SSH1: variants seen among roughly 807,000 people sequenced by gnomAD.
SSH1 encodes the protein protein phosphatase Slingshot homolog 1.
Under a neutral mutation model 79.7 loss-of-function variants are expected in SSH1, and 43 were observed. That is an observed-to-expected ratio of 0.54 (90% CI 0.42 to 0.70). The LOEUF (loss-of-function observed/expected upper bound fraction) is 0.70, where lower values mean the gene tolerates loss of function less well. Ranked by LOEUF, SSH1 falls within the 30% of genes least tolerant of loss-of-function variation. SSH1 has a pLI of 0.00. For missense variants in SSH1, 1,206 were observed against 1,358.8 expected (o/e 0.89, Z 1.77); for synonymous variants, 599 against 538.3 (o/e 1.11, Z -1.56).
At position 108,795,971 on chromosome 12, in the gene SSH1, G is replaced by T. The variant is rs146956212; in HGVS notation, c.1349+3029C>A. Among the ~76,000 whole-genome samples, 3 of 152,108 alleles carry T rather than the reference G, an allele frequency of 2.0e-5. 1 individual carries two copies. Among genetic ancestry groups the T allele is most frequent in the African/African-American group, 7.2e-5 (3 of 41,516 alleles). ...TGCTCAGGCTGGAGTGCAGTGATGC[G>T]ATCATGGCTCACTGCGGTCTTGAAC... On this transcript the variant is annotated intron_variant, in intron 13 of 14. Coordinates refer to ENST00000326495, the MANE Select transcript of SSH1 (RefSeq NM_018984.4).
At position 108,788,904 on chromosome 12, in the gene SSH1, C is replaced by A. The variant is rs750869119; in HGVS notation, c.2234G>T (p.Arg745Ile). Residue 745 changes from arginine to isoleucine, a missense_variant, in exon 15 of 15, where the codon AGA becomes ATA. Physicochemically the swap from Arg to Ile is moderately conservative, Grantham distance 97 (BLOSUM62 -3). Around this residue, in one of 5 missense-constraint regions of SSH1, gnomAD observed 709 missense variants for 730.6 expected, o/e 0.97. Coordinates refer to ENST00000326495, the MANE Select transcript of SSH1 (RefSeq NM_018984.4). ...CTTTGGCAGGACTTTTGGGGTCTCT[C>A]TGGAAGGTTCCAAAAGGCTGGCTGG... ...EPPASLLEPS[R>I]ETPKVLPKSL... 1.7e-5 allele frequency: 28 copies of A among 1,614,108 alleles called. No individual in the cohort carries two copies. The highest frequency in any genetic ancestry group is 3.3e-5 in the Admixed American group (2 of 60,008).
At position 108,846,199 on chromosome 12, in the gene SSH1, G is replaced by A. The variant is rs976606743; in HGVS notation, c.110+6439C>T. Among the ~76,000 whole-genome samples the A allele has an allele frequency of 6.6e-5, 10 of 152,224 alleles. No homozygotes were observed. The South Asian group carries it at 1.5e-3, about 22-fold the overall frequency. On this transcript the variant is annotated intron_variant, in intron 2 of 14. Coordinates refer to ENST00000326495, the MANE Select transcript of SSH1 (RefSeq NM_018984.4). Reference sequence around the variant, plus strand: ...CAGAAGAGACAAAATCCTGCAGCTCGCTCTGGCCCAAACCTTTGCTAGGGC... The same window carrying A: ...CAGAAGAGACAAAATCCTGCAGCTCACTCTGGCCCAAACCTTTGCTAGGGC...
At chr12:108,822,456 T>C (rs2038158851) in intron 3 of SSH1, among the ~76,000 whole-genome samples, 2 of 148,832 alleles carry the variant, frequency 1.3e-5, no homozygotes, top group Admixed American at 6.7e-5. Flanking sequence ...TTGTTGTTAT[T>C]GTTTTTAAGA....
At position 108,854,994 on chromosome 12, in the gene SSH1, G is replaced by A. The variant is rs59888822; in HGVS notation, c.70-2316C>T. ...GCAATGAATGCTGCAGCTTTGCTAT[G>A]ATCAAATAAAAGCTGCCTGAGTTTT... On this transcript the variant is annotated intron_variant, in intron 1 of 14. Coordinates refer to ENST00000326495, the MANE Select transcript of SSH1 (RefSeq NM_018984.4). Among the ~76,000 whole-genome samples, 1,203 of 152,290 alleles carry A rather than the reference G, an allele frequency of 7.9e-3. 20 individuals carry two copies. The highest frequency in any genetic ancestry group is 0.027 in the African/African-American group (1,135 of 41,550).
At position 108,788,476 on chromosome 12, in the gene SSH1, C is replaced by T. The variant is rs539628694; in HGVS notation, c.2662G>A (p.Ala888Thr). 10 of 1,555,964 alleles carry T rather than the reference C, an allele frequency of 6.4e-6. No individual in the cohort carries two copies. The highest frequency in any genetic ancestry group is 3.9e-5 in the Admixed American group (2 of 51,204). ...TTCAGTGAGCCTCCTTCCAATGAAG[C>T]GGGGGCGGCCTCTGACTTCTCATCA... ...GSDEKSEAAPASLEGGSLKSP... is the reference protein window; with the variant it reads ...GSDEKSEAAPTSLEGGSLKSP... Residue 888 changes from alanine to threonine, a missense_variant, in exon 15 of 15, where the codon GCT becomes ACT. Around this residue, in one of 5 missense-constraint regions of SSH1, gnomAD observed 709 missense variants for 730.6 expected, o/e 0.97. Coordinates refer to ENST00000326495, the MANE Select transcript of SSH1 (RefSeq NM_018984.4).
chr12:108,805,195 G>T lies in SSH1; in HGVS notation c.826-11C>A. The T allele has an allele frequency of 1.9e-6, 3 of 1,608,772 alleles. No homozygotes were observed. The highest frequency in any genetic ancestry group is 2.6e-6 in the Non-Finnish European group (3 of 1,175,396). ...TAATTCATTACGAATCTGTGGAGTA[G>T]AAAATATTAGGAAAAGTGATTTGTT... On this transcript the variant is annotated splice_polypyrimidine_tract_variant and intron_variant, in intron 9 of 14. Transcript: ENST00000326495.
chr12:108,807,228 C>T lies in SSH1; in HGVS notation c.731+405G>A, dbSNP rs2037322900. On this transcript the variant is annotated intron_variant, in intron 8 of 14. Transcript: ENST00000326495. This position sits in a 1 kb window ranked among gnomAD's most constrained non-coding sequence, Gnocchi z 5.2. ...TTTTTGGATCCAAGGAAGCAGAGGA[C>T]ACATTCCTAACTCTCCTCAGAGCAG... is the stretch of plus-strand genomic sequence containing the variant. 6.6e-6 allele frequency among the ~76,000 whole-genome samples: 1 copy of T among 152,142 alleles called. No individual in the cohort carries two copies. Among genetic ancestry groups the T allele is most frequent in the African/African-American group, 2.4e-5 (1 of 41,438 alleles).
intron 13 of SSH1, among the ~76,000 whole-genome samples, chr12:108,796,441 C>T (rs149029027): frequency 6.4e-4 from 97 of 152,348 alleles, no homozygotes; most frequent in African/African-American, 2.2e-3. Flanking sequence ...TGCATGGAAA[C>T]ATACAGTAGT....
intron 2 of SSH1, among the ~76,000 whole-genome samples, chr12:108,825,674 C>T (rs964923284): frequency 3.3e-5 from 5 of 152,194 alleles, no homozygotes; most frequent in Non-Finnish European, 7.3e-5. Context: ...TCCTTTCCAC[C>T]CTCTCACAGG....
intron 13 of SSH1, among the ~76,000 whole-genome samples, chr12:108,798,092 C>A (rs566475005): frequency 6.6e-6 from 1 of 152,206 alleles, no homozygotes; most frequent in Non-Finnish European, 1.5e-5. Context: ...GCAAAGAGGC[C>A]GGTTCCTCCA....
intron 2 of SSH1, among the ~76,000 whole-genome samples, chr12:108,841,256 C>T (rs1374289368): frequency 6.6e-6 from 1 of 152,188 alleles, no homozygotes; most frequent in Non-Finnish European, 1.5e-5. Flanking sequence ...TGAGCTTGCA[C>T]GCACATTCCT....
intron 13 of SSH1, 53 bp downstream of exon 13, chr12:108,798,947 A>G (rs1394772295): frequency 6.3e-7 from 1 of 1,595,794 alleles, no homozygotes; most frequent in Admixed American, 1.7e-5. Context: ...TGGCTTGGCC[A>G]CATGGCTGCT....
intron 5 of SSH1, among the ~76,000 whole-genome samples, chr12:108,814,955 C>G (rs1360307288): frequency 6.6e-6 from 1 of 152,240 alleles, no homozygotes; most frequent in African/African-American, 2.4e-5. Context: ...ATGCCCGTGA[C>G]TGCTGGCCTG....
At chr12:108,800,325 G>A (rs1371101165) in intron 12 of SSH1, among the ~76,000 whole-genome samples, 1 of 152,150 alleles carries the variant, frequency 6.6e-6, no homozygotes, top group Non-Finnish European at 1.5e-5. Flanking sequence ...CTCAGGGAGG[G>A]AAGAAGGGCC....
chr12:108,824,173 G>T (rs531749352), intron 2 of SSH1, among the ~76,000 whole-genome samples: 3 of 152,190 alleles, frequency 2.0e-5, no homozygotes, highest in Non-Finnish European at 4.4e-5. Flanking sequence ...GGAGGGGCCG[G>T]GTGGCTCAAG....
At chr12:108,835,723 G>T (rs565047765) in intron 2 of SSH1, among the ~76,000 whole-genome samples, 1 of 151,980 alleles carries the variant, frequency 6.6e-6, no homozygotes, top group Non-Finnish European at 1.5e-5. Flanking sequence ...TGAGGTGTCT[G>T]TTGGCAAGCA....
In SSH1 at chr12:108,807,828, C is replaced by G; in HGVS notation, c.537-1G>C. Reference sequence around the variant, plus strand: ...CTTGTGAAGCACCTGCAGGGCAGACCTGGGGCGAGGAGAAGACAGGGTCAG... The same window carrying G: ...CTTGTGAAGCACCTGCAGGGCAGACGTGGGGCGAGGAGAAGACAGGGTCAG... On this transcript the variant is annotated splice_acceptor_variant, in intron 7 of 14. Coordinates refer to ENST00000326495, the MANE Select transcript of SSH1 (RefSeq NM_018984.4). LOFTEE classifies it high-confidence loss of function. The surrounding 1 kb of genome is among the most constrained non-coding windows in gnomAD (Gnocchi z 5.2). 6.2e-7 allele frequency: 1 copy of G among 1,613,720 alleles called. No individual in the cohort carries two copies.
intron 2 of SSH1, among the ~76,000 whole-genome samples, chr12:108,839,419 G>T (rs1265698405): frequency 6.6e-6 from 1 of 152,160 alleles, no homozygotes; most frequent in Non-Finnish European, 1.5e-5. Flanking sequence ...GGCCACTGGG[G>T]AAGTGACAAG....
Position 108,788,823 on chromosome 12 carries a change from A to G in SSH1, c.2315T>C (p.Val772Ala), listed in dbSNP as rs769726806. Residue 772 changes from valine (V) to alanine (A), a missense_variant, in exon 15 of 15, where the codon GTA (valine) becomes GCA (alanine). Val to Ala is a moderately conservative substitution (Grantham distance 64). This residue lies in a region of SSH1 where 709 missense variants were observed against 730.6 expected (regional missense o/e 0.97). Coordinates refer to ENST00000326495, the MANE Select transcript of SSH1 (RefSeq NM_018984.4). Reference protein sequence around the residue: ...CDKNPPSTEVVIKEESSPKKD... With the variant: ...CDKNPPSTEVAIKEESSPKKD... ...CTTGGGTGACGATTCTTCCTTTATT[A>G]CCACTTCTGTGCTGGGAGGGTTCTT... The G allele has an allele frequency of 6.2e-7, 1 of 1,614,106 alleles. No homozygotes were observed. Among genetic ancestry groups the G allele is most frequent in the East Asian group, 2.2e-5 (1 of 44,874 alleles).
Sources: gnomAD v4.1 joint callset for allele counts (sites outside exome capture counted in the v4.1 genomes callset) on GRCh38, gnomAD v4.1.1 for gene constraint, gnomAD v4.1.1 regional missense constraint, Gnocchi (gnomAD v3.1) non-coding constraint, MANE v1.5 for transcripts, NCBI Gene and HGNC (gene_info 2026-07-23, HGNC 2026-07-21) for gene names.